NTM: variants seen among roughly 807,000 people sequenced by gnomAD.
The protein encoded by NTM is IgLON family member 2.
A neutral mutation model predicts 42.1 loss-of-function variants in NTM; 13 were observed. The ratio of observed to expected loss-of-function variants is 0.31; its 90% CI spans 0.20 to 0.49. The LOEUF is 0.49. NTM is among the 20% of genes least tolerant of loss of function. NTM has a pLI of 0.99. For synonymous variants in NTM, 187 were observed against 179.2 expected, an observed-to-expected ratio of 1.04 and a Z score of -0.35; for missense variants, 373 against 452.8, an observed-to-expected ratio of 0.82 and a Z score of 1.60.
intron 3 of NTM, among the ~76,000 whole-genome samples, chr11:132,210,563 G>T (rs1259795602): frequency 6.6e-6 from 1 of 152,210 alleles, no homozygotes; most frequent in Non-Finnish European, 1.5e-5. Flanking sequence ...GAGTGTGGGA[G>T]CTCAGTAAAT....
At chr11:131,797,137 T>C (rs2091653011) in intron 1 of NTM, among the ~76,000 whole-genome samples, 1 of 152,232 alleles carries the variant, frequency 6.6e-6, no homozygotes, top group Non-Finnish European at 1.5e-5. Flanking sequence ...TCCTGAGTAA[T>C]CTTTACAGCA....
At chr11:132,040,163 G>T (rs1370113078) in intron 2 of NTM, among the ~76,000 whole-genome samples, 2 of 152,106 alleles carry the variant, frequency 1.3e-5, no homozygotes, top group Non-Finnish European at 2.9e-5. Flanking sequence ...CTCGAACTCT[G>T]AGCTCAGGCA....
In NTM at chr11:131,580,161, C is replaced by T. The variant is rs1371709077; in HGVS notation, c.82+209273C>T. ...GCCATCTGTCTTCATTTTGCTAACC[C>T]CCTCTATTGGATGCCACAAGCAGCT... On this transcript the variant is annotated intron_variant, in intron 1 of 8. Transcript: ENST00000683400. Among the ~76,000 whole-genome samples the T allele has an allele frequency of 5.9e-5, 9 of 152,176 alleles. No homozygotes were observed. The East Asian group carries it at 1.7e-3, about 29-fold the overall frequency.
chr11:132,240,625 A>G (rs565987670), intron 4 of NTM, among the ~76,000 whole-genome samples: 107 of 152,252 alleles, frequency 7.0e-4, no homozygotes, highest in Non-Finnish European at 1.3e-3. Flanking sequence ...CGCATTTGCC[A>G]GAAAAATGCC....
intron 2 of NTM, among the ~76,000 whole-genome samples, chr11:132,027,205 T>C (rs937167889): frequency 6.6e-6 from 1 of 152,192 alleles, no homozygotes; most frequent in Admixed American, 6.5e-5. Flanking sequence ...TGGCCCCACA[T>C]GATATATGAA....
At position 131,976,003 on chromosome 11, in the gene NTM, TG is replaced by T. The variant is rs1312019950; in HGVS notation, c.167+64359del. Among the ~76,000 whole-genome samples, 3 of 152,132 alleles carry T rather than the reference TG, an allele frequency of 2.0e-5. No homozygotes were observed. The East Asian group carries it at 5.8e-4, about 29-fold the overall frequency. ...GTCCTTAGGCCTAACCTGCCCTCCC[TG>T]GGGTCTTGTTACCTGCTCAAAAAGA... is the stretch of plus-strand genomic sequence containing the variant. On this transcript the variant is annotated intron_variant, in intron 2 of 8. Coordinates refer to ENST00000683400, the MANE Select transcript of NTM (RefSeq NM_001352005.2).
intron 1 of NTM, among the ~76,000 whole-genome samples, chr11:131,616,235 C>T (rs550824916): frequency 9.2e-4 from 140 of 152,332 alleles, no homozygotes; most frequent in African/African-American, 3.2e-3. Flanking sequence ...GCACCTGTCC[C>T]GTGCCACCTC....
chr11:131,613,418 T>C (rs1426890372), intron 1 of NTM, among the ~76,000 whole-genome samples: 1 of 151,812 alleles, frequency 6.6e-6, no homozygotes, highest in Non-Finnish European at 1.5e-5. Flanking sequence ...TTCCAGCTGG[T>C]GCAATGAGGA....
intron 1 of NTM, among the ~76,000 whole-genome samples, chr11:131,428,066 G>T (rs11222611): frequency 0.065 from 9,931 of 152,174 alleles, 1,599 homozygotes; most frequent in East Asian, 0.64. Context: ...CCCTGGGATC[G>T]AGGTTCATGT....
intron 1 of NTM, among the ~76,000 whole-genome samples, chr11:131,547,212 G>C (rs2054061017): frequency 6.6e-6 from 1 of 152,180 alleles, no homozygotes; most frequent in African/African-American, 2.4e-5. Flanking sequence ...ACAGGCCCTA[G>C]CTGACCCACA....
chr11:132,143,519 CTAA>C (rs1292884035), intron 2 of NTM, among the ~76,000 whole-genome samples: 1 of 152,180 alleles, frequency 6.6e-6, no homozygotes, highest in Non-Finnish European at 1.5e-5. Context: ...GTCAATATGG[CTAA>C]TGTTTTTTAG....
At chr11:131,752,965 G>T (rs1017779746) in intron 1 of NTM, among the ~76,000 whole-genome samples, 1 of 152,042 alleles carries the variant, frequency 6.6e-6, no homozygotes, top group Non-Finnish European at 1.5e-5. Flanking sequence ...CCTACAAAAT[G>T]GGAGAAAATT....
intron 1 of NTM, among the ~76,000 whole-genome samples, chr11:131,868,794 T>A (rs1181984146): frequency 6.6e-6 from 1 of 152,170 alleles, no homozygotes; most frequent in Admixed American, 6.5e-5. Flanking sequence ...GCAAGAAAGA[T>A]CTATTTCCTG....
chr11:131,614,971 C>G (rs1380937340), intron 1 of NTM, among the ~76,000 whole-genome samples: 1 of 152,218 alleles, frequency 6.6e-6, no homozygotes, highest in Non-Finnish European at 1.5e-5. Context: ...GCCCTCGCCT[C>G]CTCCCACCCT....
At chr11:131,952,346 C>T (rs666628) in intron 2 of NTM, among the ~76,000 whole-genome samples, 5 of 152,170 alleles carry the variant, frequency 3.3e-5, no homozygotes, top group African/African-American at 1.2e-4. Context: ...ACTCTATAGT[C>T]ATCTAAATAC....
chr11:131,693,005 GTAATGGCA>G (rs1429352741), intron 1 of NTM, among the ~76,000 whole-genome samples: 10 of 151,748 alleles, frequency 6.6e-5, no homozygotes, highest in Non-Finnish European at 1.2e-4. Flanking sequence ...ATTTATAGTA[GTAATGGCA>G]GAGCAGGGAC....
chr11:132,252,114 C>T (rs2092009262), intron 4 of NTM, among the ~76,000 whole-genome samples: 1 of 152,176 alleles, frequency 6.6e-6, no homozygotes, highest in Non-Finnish European at 1.5e-5. Context: ...CTCCTTTTCC[C>T]TCCCCTCTTA....
chr11:131,582,681 C>CATAGTTAACACGCA (rs1341832287), intron 1 of NTM, among the ~76,000 whole-genome samples: 1 of 152,074 alleles, frequency 6.6e-6, no homozygotes. Flanking sequence ...ATTTGTGGTG[C>CATAGTTAACACGCA]ATAGTTAACA....
At position 132,323,438 on chromosome 11, in the gene NTM, A is replaced by C. The variant is rs113845000; in HGVS notation, c.935-6715A>C. On this transcript the variant is annotated intron_variant, in intron 7 of 8. Transcript: ENST00000683400. ...CTAGAAAATCTAGAAGAAATGGATA[A>C]ATTCCTCGACACATACACTCTCCCA... 2.0e-5 allele frequency among the ~76,000 whole-genome samples: 3 copies of C among 150,102 alleles called. No individual in the cohort carries two copies. In the South Asian group the frequency reaches 6.5e-4, roughly 32 times the overall value.
Sources: allele counts gnomAD v4.1 joint callset (sites outside exome capture counted in the v4.1 genomes callset), GRCh38; gene constraint gnomAD v4.1.1; transcripts MANE v1.5; gene names NCBI Gene and HGNC (gene_info 2026-07-23, HGNC 2026-07-21).